ERBB4: variants seen among roughly 807,000 people sequenced by gnomAD.
ERBB4 encodes the protein erb-b2 receptor tyrosine kinase 4.
Under a neutral mutation model 158.0 loss-of-function variants are expected in ERBB4, and 42 were observed. The ratio of observed to expected loss-of-function variants is 0.27; its 90% CI spans 0.21 to 0.34. The LOEUF is 0.34. Ranked by LOEUF, ERBB4 falls within the 10% of genes least tolerant of loss-of-function variation. The pLI is 1.00. For missense variants in ERBB4, 1,333 were observed against 1,624.1 expected (o/e 0.82, Z 3.08); for synonymous variants, 583 against 558.7 (o/e 1.04, Z -0.61).
At chr2:211,592,127 T>C (rs2068487156) in intron 19 of ERBB4, among the ~76,000 whole-genome samples, 1 of 152,148 alleles carries the variant, frequency 6.6e-6, no homozygotes. Context: ...TACAGGGAAG[T>C]AAACAGTTCC....
At chr2:212,223,034 T>G (rs2083348536) in intron 1 of ERBB4, among the ~76,000 whole-genome samples, 1 of 151,534 alleles carries the variant, frequency 6.6e-6, no homozygotes. Flanking sequence ...CCCTAAACCC[T>G]GAAACTGGTT....
intron 1 of ERBB4, among the ~76,000 whole-genome samples, chr2:212,502,149 C>A (rs1339113245): frequency 6.6e-6 from 1 of 151,948 alleles, no homozygotes; most frequent in Non-Finnish European, 1.5e-5. Flanking sequence ...GCACATTTTT[C>A]TCCTTTATTA....
intron 3 of ERBB4, among the ~76,000 whole-genome samples, chr2:211,887,078 AATTGGCTCTGGTAATATATGCCAACTCTC>A (rs1255973966): frequency 6.6e-6 from 1 of 152,176 alleles, no homozygotes; most frequent in Non-Finnish European, 1.5e-5. Flanking sequence ...CACATTACTT[AATTGGCTCTGGTAATATATGCCAACTCTC>A]ATTGTTTTAT....
At chr2:212,002,283 T>A (rs1040094495) in intron 2 of ERBB4, among the ~76,000 whole-genome samples, 1 of 152,126 alleles carries the variant, frequency 6.6e-6, no homozygotes, top group Non-Finnish European at 1.5e-5. Flanking sequence ...CTAAAACACA[T>A]GCAGAAGAGG....
intron 19 of ERBB4, among the ~76,000 whole-genome samples, chr2:211,580,398 C>A (rs1342803270): frequency 6.6e-6 from 1 of 151,984 alleles, no homozygotes; most frequent in African/African-American, 2.4e-5. Context: ...TGAAAAAATG[C>A]TCAACATCAC....
chr2:211,435,863 G>T (rs2063840421), intron 20 of ERBB4, among the ~76,000 whole-genome samples: 1 of 152,200 alleles, frequency 6.6e-6, no homozygotes. Context: ...CAATTCTAAA[G>T]TCTACATTTT....
Position 212,488,318 on chromosome 2 carries a change from C to CCT in ERBB4, c.82+50129_82+50130dup, listed in dbSNP as rs67659068. Among the ~76,000 whole-genome samples the CCT allele has an allele frequency of 5.2e-3, 597 of 115,770 alleles. 11 individuals carry two copies. The East Asian group carries it at 0.075, about 15-fold the overall frequency. 75.9% of individuals were successfully genotyped at this position (115,770 alleles called of 152,430 possible). On this transcript the variant is annotated intron_variant, in intron 1 of 27. Transcript: ENST00000342788. ...TCACTTTTTTCTAAGTTTCCTCGCT[C>CCT]CTCTCTCTCTCTCTCTCTCTCTCTC... is the stretch of plus-strand genomic sequence containing the variant.
At chr2:211,659,882 G>A (rs993106130) in intron 15 of ERBB4, among the ~76,000 whole-genome samples, 5 of 152,144 alleles carry the variant, frequency 3.3e-5, no homozygotes, top group African/African-American at 9.7e-5. Context: ...TGAAAAAGTG[G>A]TTCATGGTAG....
intron 1 of ERBB4, among the ~76,000 whole-genome samples, chr2:212,440,049 C>T (rs1303011687): frequency 6.6e-6 from 1 of 152,138 alleles, no homozygotes; most frequent in Non-Finnish European, 1.5e-5. Flanking sequence ...GTGTGCAACA[C>T]ATTTAGTAGA....
At chr2:211,941,247 G>A (rs2080486209) in intron 3 of ERBB4, among the ~76,000 whole-genome samples, 2 of 146,782 alleles carry the variant, frequency 1.4e-5, no homozygotes, top group African/African-American at 5.3e-5. Flanking sequence ...TAAGCTAAGA[G>A]TACTCTTAGA....
At chr2:211,930,686 C>T (rs1245641546) in intron 3 of ERBB4, among the ~76,000 whole-genome samples, 1 of 152,138 alleles carries the variant, frequency 6.6e-6, no homozygotes, top group Non-Finnish European at 1.5e-5. Context: ...TTCAAGCAAA[C>T]AGTAACTGGG....
In ERBB4 at chr2:212,250,713, C is replaced by T. The variant is rs1290762580; in HGVS notation, c.83-125810G>A. Among the ~76,000 whole-genome samples, 3 of 151,572 alleles carry T rather than the reference C, an allele frequency of 2.0e-5. No homozygotes were observed. In the South Asian group the frequency reaches 6.3e-4, roughly 32 times the overall value. Reference sequence around the variant, plus strand: ...GAATGAATGAATTCAAACATCTTCCCTTCACGTTCTAGGCAGACCACACAG... The same window carrying T: ...GAATGAATGAATTCAAACATCTTCCTTTCACGTTCTAGGCAGACCACACAG... On this transcript the variant is annotated intron_variant, in intron 1 of 27. Coordinates refer to ENST00000342788, the MANE Select transcript of ERBB4 (RefSeq NM_005235.3).
At chr2:212,019,876 C>T (rs2076611209) in intron 2 of ERBB4, among the ~76,000 whole-genome samples, 1 of 151,150 alleles carries the variant, frequency 6.6e-6, no homozygotes, top group African/African-American at 2.4e-5. Context: ...ATTTTGAAAT[C>T]CAAAACAAGC....
intron 16 of ERBB4, among the ~76,000 whole-genome samples, chr2:211,636,040 A>G (rs2070346176): frequency 6.6e-6 from 1 of 152,028 alleles, no homozygotes; most frequent in African/African-American, 2.4e-5. Context: ...GATTTGTTGC[A>G]TCAGATGTAG....
chr2:212,163,743 T>C (rs1350878530), intron 1 of ERBB4, among the ~76,000 whole-genome samples: 1 of 152,006 alleles, frequency 6.6e-6, no homozygotes, highest in East Asian at 1.9e-4. Context: ...TCCAGATCAG[T>C]ATTAATGCCA....
chr2:212,512,734 C>T (rs1249488751), intron 1 of ERBB4, among the ~76,000 whole-genome samples: 1 of 152,092 alleles, frequency 6.6e-6, no homozygotes, highest in African/African-American at 2.4e-5. Context: ...GATTATAACA[C>T]ACATAAATTT....
intron 1 of ERBB4, among the ~76,000 whole-genome samples, chr2:212,479,079 A>C (rs187772094): frequency 4.3e-4 from 65 of 152,298 alleles, no homozygotes; most frequent in African/African-American, 1.5e-3. Flanking sequence ...GGCTGACTCT[A>C]TTAAAATCTG....
intron 23 of ERBB4, among the ~76,000 whole-genome samples, chr2:211,423,249 T>C (rs2063549838): frequency 6.6e-6 from 1 of 151,976 alleles, no homozygotes; most frequent in Non-Finnish European, 1.5e-5. Flanking sequence ...CAGGCTGACC[T>C]GAACTGCAAA....
chr2:211,565,353 C>T (rs1242006465), intron 19 of ERBB4, among the ~76,000 whole-genome samples: 2 of 151,988 alleles, frequency 1.3e-5, no homozygotes, highest in Admixed American at 6.6e-5. Context: ...AGGTACATAA[C>T]CATTGCTGGT....
Sources: gnomAD v4.1 joint callset for allele counts (sites outside exome capture counted in the v4.1 genomes callset) on GRCh38, gnomAD v4.1.1 for gene constraint, MANE v1.5 for transcripts, NCBI Gene and HGNC (gene_info 2026-07-23, HGNC 2026-07-21) for gene names.